The following CCPG1 variants were observed in gnomAD, a reference collection of about 807,000 sequenced individuals.
CCPG1 encodes cell cycle progression protein 1.
A neutral mutation model predicts 81.3 loss-of-function variants in CCPG1; 46 were observed. That is an observed-to-expected ratio of 0.57 (90% CI 0.45 to 0.72). The LOEUF is 0.72. CCPG1 is among the 30% of genes least tolerant of loss of function. The pLI is 0.00. For synonymous variants in CCPG1, 330 were observed against 305.2 expected (o/e 1.08, Z -0.85); for missense variants, 902 against 937.6 (o/e 0.96, Z 0.50).
intron 8 of CCPG1, 36 bp downstream of exon 8, chr15:55,359,503 A>G (rs985677126): frequency 1.9e-6 from 3 of 1,541,646 alleles, no homozygotes; most frequent in Non-Finnish European, 2.6e-6. Flanking sequence ...CAAATGTTAC[A>G]AACTACTGTA....
rs2056093231 is a variant in CCPG1 at position 55,357,047 on chromosome 15, A to T, written c.2235-638T>A. 9 of 985,326 alleles carry T rather than the reference A, an allele frequency of 9.1e-6. 1 individual carries two copies. In the South Asian group the frequency reaches 4.2e-4, roughly 46 times the overall value. The allele number at this position is 985,326 out of a possible 1,614,324, so 61.0% of individuals were successfully genotyped here. A position where few individuals can be genotyped will look rare whatever the true frequency, so the allele number is the denominator to read the frequency against. On this transcript the variant is annotated intron_variant, in intron 8 of 8. Transcript: ENST00000442196. Reference sequence around the variant, plus strand: ...ACTCCTGTCCTTAGCCTTCCCTACAACCCCATGGATGTTGGTGTTCTCCCA... The same window carrying T: ...ACTCCTGTCCTTAGCCTTCCCTACATCCCCATGGATGTTGGTGTTCTCCCA...
chr15:55,405,939 A>T (rs1448791394), intron 1 of CCPG1, among the ~76,000 whole-genome samples: 2 of 152,176 alleles, frequency 1.3e-5, no homozygotes, highest in Non-Finnish European at 2.9e-5. Context: ...ATCTCGGCTC[A>T]CTGCAACTTC....
In CCPG1 at chr15:55,360,208, A is replaced by T; in HGVS notation, c.1565T>A (p.Leu522Gln). Residue 522 changes from leucine to glutamine, a missense_variant, in exon 8 of 9, where the codon CTG becomes CAG. Coordinates refer to ENST00000442196, the MANE Select transcript of CCPG1 (RefSeq NM_001204450.2). ...KQAKEAVKEN[L>Q]KKFSDSVKST... Reference sequence around the variant, plus strand: ...TTTAACTGAATCTGAGAATTTTTTCAGATTTTCCTTCACAGCTTCTTTAGC... The same window carrying T: ...TTTAACTGAATCTGAGAATTTTTTCTGATTTTCCTTCACAGCTTCTTTAGC... 2 of 1,613,374 alleles carry T rather than the reference A, an allele frequency of 1.2e-6. No homozygotes were observed. Among genetic ancestry groups the T allele is most frequent in the Non-Finnish European group, 1.7e-6 (2 of 1,179,840 alleles).
At chr15:55,370,060 A>G (rs2056415662) in intron 6 of CCPG1, among the ~76,000 whole-genome samples, 2 of 152,194 alleles carry the variant, frequency 1.3e-5, no homozygotes, top group Admixed American at 1.3e-4. Flanking sequence ...AAGGATACAA[A>G]TAATAGTATC....
intron 5 of CCPG1, chr15:55,372,326 A>G (rs2056467405): frequency 6.9e-6 from 3 of 433,888 alleles, no homozygotes; most frequent in African/African-American, 6.0e-5. Flanking sequence ...CTCGCCTTAT[A>G]GTTTACACTC....
intron 1 of CCPG1, among the ~76,000 whole-genome samples, chr15:55,398,742 G>A (rs1007169024): frequency 3.3e-5 from 5 of 151,808 alleles, no homozygotes; most frequent in South Asian, 2.1e-4. Context: ...CCACCATGCC[G>A]AGCTAATTTT....
Position 55,387,628 on chromosome 15 carries a change from T to C in CCPG1, c.60+1737A>G, listed in dbSNP as rs957755354. On this transcript the variant is annotated intron_variant, in intron 2 of 8. Transcript: ENST00000442196. ...GGCACGAACTCTGCTCACCGCAACC[T>C]CCGCCTCCCAGGTTCAAGCGATTGT... 4.0e-5 allele frequency among the ~76,000 whole-genome samples: 6 copies of C among 151,708 alleles called. No individual in the cohort carries two copies. In the East Asian group the frequency reaches 1.2e-3, roughly 30 times the overall value.
At chr15:55,386,925 C>T (rs2056811804) in intron 2 of CCPG1, among the ~76,000 whole-genome samples, 1 of 151,316 alleles carries the variant, frequency 6.6e-6, no homozygotes, top group Non-Finnish European at 1.5e-5. Flanking sequence ...AAAAAAGTAG[C>T]GTTTAAGTTG....
intron 8 of CCPG1, chr15:55,358,632 A>T: frequency 1.0e-6 from 1 of 985,446 alleles, no homozygotes; most frequent in Non-Finnish European, 1.2e-6. Context: ...AGTTCAGTTC[A>T]AAGGCCACCT....
chr15:55,357,214 C>T, intron 8 of CCPG1: 1 of 899,756 alleles, frequency 1.1e-6, no homozygotes, highest in Non-Finnish European at 1.3e-6. Flanking sequence ...CTTGAATTCC[C>T]TATCTCAGTG....
chr15:55,397,059 G>C (rs190813562), intron 1 of CCPG1, among the ~76,000 whole-genome samples: 1,649 of 152,072 alleles, frequency 0.011, 14 homozygotes, highest in Non-Finnish European at 0.014. Flanking sequence ...AAAATTAGCC[G>C]GGCGATTAGC....
intron 6 of CCPG1, 23 bp downstream of exon 6, chr15:55,371,770 A>G (rs2056454799): frequency 6.2e-7 from 1 of 1,609,344 alleles, no homozygotes; most frequent in Non-Finnish European, 8.5e-7. Flanking sequence ...CAGGTTATGT[A>G]TAACACATTT....
chr15:55,392,181 T>A (rs187723183), intron 1 of CCPG1, among the ~76,000 whole-genome samples: 1 of 150,172 alleles, frequency 6.7e-6, no homozygotes, highest in Admixed American at 6.6e-5. Context: ...GACAATCTAG[T>A]ACAAATATAG....
chr15:55,378,536 T>C (rs2056612982), intron 3 of CCPG1, among the ~76,000 whole-genome samples, 160 bp from the exon 4 acceptor site: 1 of 152,220 alleles, frequency 6.6e-6, no homozygotes, highest in Non-Finnish European at 1.5e-5. Flanking sequence ...CACTCCACTG[T>C]TGCTAATGAA....
At chr15:55,407,258 T>C (rs1306327098) in intron 1 of CCPG1, among the ~76,000 whole-genome samples, 1 of 150,908 alleles carries the variant, frequency 6.6e-6, no homozygotes, top group East Asian at 2.0e-4. Flanking sequence ...ATTAAAATAA[T>C]ACCCTCACCA....
intron 6 of CCPG1, among the ~76,000 whole-genome samples, chr15:55,366,412 A>C (rs933978779): frequency 1.3e-5 from 2 of 152,156 alleles, no homozygotes. Context: ...TCTCAAGGCC[A>C]AATTTGTTAA....
chr15:55,359,733 G>A lies in CCPG1; in HGVS notation c.2040C>T (p.Phe680=). 2.5e-6 allele frequency: 4 copies of A among 1,613,380 alleles called. No homozygotes were observed. Among genetic ancestry groups the A allele is most frequent in the Non-Finnish European group, 3.4e-6 (4 of 1,179,814 alleles). The change falls in exon 8 of 9, where the codon TTC becomes TTT. Residue 680 remains phenylalanine (F), a synonymous_variant. Coordinates refer to ENST00000442196, the MANE Select transcript of CCPG1 (RefSeq NM_001204450.2). Reference sequence around the variant, plus strand: ...CACCGTTTAGGAAAAACTTATTGATGAACTGATCAAGTTCGTTCCAGTGAC... The same window carrying A: ...CACCGTTTAGGAAAAACTTATTGATAAACTGATCAAGTTCGTTCCAGTGAC... ...TFCHWNELDQ[F]INKFFLNGVF...
rs565321191 is a variant in CCPG1 at position 55,390,260 on chromosome 15, C to T, written c.-9-827G>A. On this transcript the variant is annotated intron_variant, in intron 1 of 8. Transcript: ENST00000442196. ...TATGAAAATAACTGTGTCAGCAATA[C>T]TTCAGTTGTGTTAAAGTTGGGGCAG... is the stretch of plus-strand genomic sequence containing the variant. Among the ~76,000 whole-genome samples the T allele has an allele frequency of 4.7e-4, 72 of 152,260 alleles. 1 individual carries two copies. Among genetic ancestry groups the T allele is most frequent in the African/African-American group, 1.7e-3 (71 of 41,558 alleles).
At chr15:55,381,931 T>A (rs923570931) in intron 3 of CCPG1, among the ~76,000 whole-genome samples, 2 of 152,230 alleles carry the variant, frequency 1.3e-5, no homozygotes, top group African/African-American at 4.8e-5. Flanking sequence ...GGTTTCCCTG[T>A]CCATGTAAAA....
Sources: allele counts gnomAD v4.1 joint callset (sites outside exome capture counted in the v4.1 genomes callset), GRCh38; gene constraint gnomAD v4.1.1; transcripts MANE v1.5; gene names NCBI Gene and HGNC (gene_info 2026-07-23, HGNC 2026-07-21).